CYRIB: variants seen among roughly 807,000 people sequenced by gnomAD.
CYRIB encodes CYFIP related Rac1 interactor B, also known as CYFIP-related Rac1 interactor B.
In CYRIB, 8 loss-of-function variants were observed where a neutral mutation model predicts 44.2. The ratio of observed to expected loss-of-function variants is 0.18; its 90% CI spans 0.11 to 0.33. The LOEUF is 0.33. Among genes scored for constraint, CYRIB ranks in the 10% least tolerant of loss-of-function variants. The pLI is 1.00. For missense variants in CYRIB, 185 were observed against 382.8 expected, an observed-to-expected ratio of 0.48 and a Z score of 4.31; for synonymous variants, 131 against 127.2, an observed-to-expected ratio of 1.03 and a Z score of -0.20.
At chr8:129,949,822 C>T (rs1004769158) in intron 2 of CYRIB, among the ~76,000 whole-genome samples, 1 of 151,826 alleles carries the variant, frequency 6.6e-6, no homozygotes, top group Non-Finnish European at 1.5e-5. Context: ...AGGTTGATTG[C>T]GCCATTGCAC....
chr8:129,983,514 C>CA (rs903011315), intron 1 of CYRIB, among the ~76,000 whole-genome samples: 6 of 151,936 alleles, frequency 3.9e-5, no homozygotes, highest in Middle Eastern at 3.4e-3. Flanking sequence ...ACATTAACAA[C>CA]AAAAAAAAGT....
intron 6 of CYRIB, among the ~76,000 whole-genome samples, chr8:129,854,916 C>G (rs1011782780): frequency 6.6e-6 from 1 of 151,572 alleles, no homozygotes; most frequent in Non-Finnish European, 1.5e-5. Flanking sequence ...TTCTTTTTAA[C>G]AACAAGGTAT....
In CYRIB at chr8:129,991,135, A is replaced by G. The variant is rs964492738; in HGVS notation, c.-295-20140T>C. Among the ~76,000 whole-genome samples, 5 of 57,390 alleles carry G rather than the reference A, an allele frequency of 8.7e-5. No homozygotes were observed. The African/African-American group carries it at 1.0e-3, about 12-fold the overall frequency. 37.7% of individuals were successfully genotyped at this position (57,390 alleles called of 152,430 possible). On this transcript the variant is annotated intron_variant, in intron 1 of 14. Transcript: ENST00000401979. ...CAACAGAGCGAGACTCTGTCTCAGA[A>G]AAAAAAAAAAAAAAAAAAAAGGTAC...
intron 1 of CYRIB, among the ~76,000 whole-genome samples, chr8:129,920,927 T>C (rs928194902): frequency 1.3e-5 from 2 of 152,206 alleles, no homozygotes; most frequent in Non-Finnish European, 2.9e-5. Context: ...ATTTGGGAAG[T>C]AGACCTTGCT....
intron 1 of CYRIB, among the ~76,000 whole-genome samples, chr8:129,926,540 T>A (rs756334538): frequency 6.6e-6 from 1 of 152,206 alleles, no homozygotes; most frequent in Non-Finnish European, 1.5e-5. Flanking sequence ...GAACCATGTA[T>A]GCACCATATA....
chr8:129,879,670 GTT>G, intron 2 of CYRIB, 199 bp from the exon 5 acceptor site: 1 of 511,796 alleles, frequency 2.0e-6, no homozygotes, highest in Non-Finnish European at 3.4e-6. Flanking sequence ...GTGAAATGTG[GTT>G]TTCCTGTACA....
intron 1 of CYRIB, among the ~76,000 whole-genome samples, chr8:130,006,662 G>GTGTATATATATACATATATATATGTA (rs2097105432): frequency 9.1e-6 from 1 of 109,544 alleles, no homozygotes; most frequent in African/African-American, 3.2e-5. Flanking sequence ...ATATATATAT[G>GTGTATATATATACATATATATATGTA]TATATATATA....
At chr8:129,881,774 T>C (rs904340737) in intron 2 of CYRIB, among the ~76,000 whole-genome samples, 4 of 152,252 alleles carry the variant, frequency 2.6e-5, no homozygotes, top group African/African-American at 9.6e-5. Flanking sequence ...TTTTGTACAA[T>C]ACTTTACACA....
chr8:129,968,532 A>T (rs1164722123), intron 2 of CYRIB, among the ~76,000 whole-genome samples: 1 of 152,062 alleles, frequency 6.6e-6, no homozygotes, highest in African/African-American at 2.4e-5. Context: ...ATAGTTTTTC[A>T]TTGTGAACTC....
At chr8:129,944,308 G>A (rs913021577), upstream of CYRIB, among the ~76,000 whole-genome samples, 5 of 152,130 alleles carry the variant, frequency 3.3e-5, no homozygotes, top group East Asian at 1.9e-4. Context: ...AACAGGCACC[G>A]GAATTAAGAT....
intron 1 of CYRIB, among the ~76,000 whole-genome samples, chr8:129,916,765 C>T (rs563767365): frequency 3.3e-5 from 5 of 152,272 alleles, no homozygotes; most frequent in Admixed American, 3.3e-4. Context: ...AGTTGTATAA[C>T]TGAGGGAAGA....
chr8:129,988,793 T>C (rs1386729822), intron 1 of CYRIB, among the ~76,000 whole-genome samples: 1 of 151,994 alleles, frequency 6.6e-6, no homozygotes, highest in East Asian at 1.9e-4. Flanking sequence ...TTTTTCTCCT[T>C]GTTTTAATTG....
intron 1 of CYRIB, among the ~76,000 whole-genome samples, chr8:130,000,910 A>G (rs953392924): frequency 3.9e-5 from 6 of 152,136 alleles, no homozygotes; most frequent in Non-Finnish European, 7.3e-5. Flanking sequence ...TGTCCTCCCA[A>G]AAAAATAATT....
At chr8:130,004,798 G>A (rs1179316551) in intron 1 of CYRIB, among the ~76,000 whole-genome samples, 3 of 135,242 alleles carry the variant, frequency 2.2e-5, no homozygotes, top group Admixed American at 8.3e-5. Flanking sequence ...ATGGAGTCTC[G>A]CTTTGTTGCC....
At chr8:129,867,772 A>G (rs2054603422) in intron 4 of CYRIB, among the ~76,000 whole-genome samples, 1 of 152,204 alleles carries the variant, frequency 6.6e-6, no homozygotes, top group Admixed American at 6.5e-5. Context: ...GCTACTATGA[A>G]TAAGGCGGCC....
At chr8:129,925,292 G>A (rs1474986494) in intron 1 of CYRIB, among the ~76,000 whole-genome samples, 1 of 152,166 alleles carries the variant, frequency 6.6e-6, no homozygotes, top group Admixed American at 6.5e-5. Context: ...CAGCCACTCA[G>A]GAGGCTGAGG....
intron 2 of CYRIB, among the ~76,000 whole-genome samples, chr8:129,956,579 T>A (rs1373232848): frequency 6.6e-6 from 1 of 151,862 alleles, no homozygotes; most frequent in Admixed American, 6.6e-5. Flanking sequence ...GTTCCATGAA[T>A]CATGCTCCCT....
At chr8:129,939,106 G>C (rs2093324079) in intron 1 of CYRIB, among the ~76,000 whole-genome samples, 1 of 152,140 alleles carries the variant, frequency 6.6e-6, no homozygotes, top group Non-Finnish European at 1.5e-5. Flanking sequence ...TTCAAAACCA[G>C]GGACCAGGAG....
intron 1 of CYRIB, among the ~76,000 whole-genome samples, chr8:129,913,784 T>C (rs996724529): frequency 2.0e-5 from 3 of 152,162 alleles, no homozygotes; most frequent in African/African-American, 7.2e-5. Flanking sequence ...ATTATGAAGA[T>C]TAAATAAGAA....
Sources: gnomAD v4.1 joint callset for allele counts (sites outside exome capture counted in the v4.1 genomes callset) on GRCh38, gnomAD v4.1.1 for gene constraint, MANE v1.5 for transcripts, NCBI Gene and HGNC (gene_info 2026-07-23, HGNC 2026-07-21) for gene names.